VPS45: variants seen among roughly 807,000 people sequenced by gnomAD.
VPS45 encodes the protein vacuolar protein sorting-associated protein 45.
A neutral mutation model predicts 75.9 loss-of-function variants in VPS45; 35 were observed. The ratio of observed to expected loss-of-function variants is 0.46; its 90% CI spans 0.35 to 0.61. The LOEUF is 0.61. Ranked by LOEUF, VPS45 falls within the 20% of genes least tolerant of loss-of-function variation. VPS45 has a pLI of 0.00. For synonymous variants in VPS45, 220 were observed against 238.2 expected, an observed-to-expected ratio of 0.92 and a Z score of 0.70; for missense variants, 559 against 685.9, an observed-to-expected ratio of 0.81 and a Z score of 2.07.
At position 150,076,247 on chromosome 1, in the gene VPS45, A is replaced by G. The variant is rs1655377553; in HGVS notation, c.304A>G (p.Ile102Val). 2 of 1,605,626 alleles carry G rather than the reference A, an allele frequency of 1.2e-6. No homozygotes were observed. Among genetic ancestry groups the G allele is most frequent in the African/African-American group, 2.7e-5 (2 of 74,184 alleles). Residue 102 changes from isoleucine (I) to valine (V), a missense_variant, in exon 4 of 15, where the codon ATC becomes GTC. Transcript: ENST00000644510. ...ATGTGTTTCAGATTTCAGTAATGTG[A>G]TCAGCAAGAGTGACGTGAAGTCATT... is the stretch of plus-strand genomic sequence containing the variant. ...TIYFIYFSNV[I>V]SKSDVKSLAE...
chr1:150,133,434 A>C (rs1658927223), intron 14 of VPS45, among the ~76,000 whole-genome samples: 1 of 152,102 alleles, frequency 6.6e-6, no homozygotes, highest in African/African-American at 2.4e-5. Flanking sequence ...GGCGCCTGTA[A>C]TCCCAGCTGT....
chr1:150,067,691 C>T (rs970262931), upstream of VPS45: 14 of 662,966 alleles, frequency 2.1e-5, no homozygotes, highest in South Asian at 3.6e-5. Context: ...GCTTGGTCCC[C>T]TGTACACTCC....
chr1:150,101,532 G>A (rs1258838170), intron 13 of VPS45, among the ~76,000 whole-genome samples: 5 of 151,682 alleles, frequency 3.3e-5, no homozygotes, highest in Middle Eastern at 3.4e-3. Flanking sequence ...TCAGGAGTTC[G>A]AGACCAGCCT....
At chr1:150,138,616 A>G (rs1553814476) in intron 14 of VPS45, among the ~76,000 whole-genome samples, 1 of 151,942 alleles carries the variant, frequency 6.6e-6, no homozygotes, top group Non-Finnish European at 1.5e-5. Flanking sequence ...AACCAGCAGC[A>G]CTCCACCAGT....
chr1:150,142,905 A>T, intron 14 of VPS45: 3 of 449,728 alleles, frequency 6.7e-6, no homozygotes, highest in South Asian at 4.7e-5. Context: ...CACCCGCCTC[A>T]GCCTCCCAAA....
intron 14 of VPS45, among the ~76,000 whole-genome samples, chr1:150,120,180 A>G (rs587666203): frequency 1.3e-5 from 2 of 152,300 alleles, no homozygotes; most frequent in South Asian, 4.1e-4. Flanking sequence ...ACCACTTACT[A>G]GTTTTTTTAT....
At chr1:150,090,634 C>T (rs587604298) in intron 10 of VPS45, among the ~76,000 whole-genome samples, 1 of 152,166 alleles carries the variant, frequency 6.6e-6, no homozygotes, top group Non-Finnish European at 1.5e-5. Context: ...TCTCCACCGG[C>T]ATTTGCACCT....
chr1:150,121,525 C>G (rs1187241869), intron 14 of VPS45, among the ~76,000 whole-genome samples: 1 of 152,138 alleles, frequency 6.6e-6, no homozygotes, highest in African/African-American at 2.4e-5. Context: ...CTCTTACTAC[C>G]TTATTTCCTC....
At chr1:150,110,459 T>A in intron 13 of VPS45, 37 bp from the exon 14 acceptor site, 3 of 1,567,318 alleles carry the variant, frequency 1.9e-6, no homozygotes, top group Non-Finnish European at 2.6e-6. Context: ...TTTTTTTTTC[T>A]TATCCTGTGA....
intron 13 of VPS45, chr1:150,109,820 C>T (rs1213900466): frequency 6.6e-6 from 1 of 152,080 alleles, no homozygotes; most frequent in Non-Finnish European, 1.5e-5. Context: ...GAGCTGTGTT[C>T]GCATGTCCAG....
intron 4 of VPS45, 194 bp from the exon 5 acceptor site, chr1:150,076,722 T>A (rs901288941): frequency 1.6e-6 from 1 of 615,618 alleles, no homozygotes; most frequent in Non-Finnish European, 2.8e-6. Flanking sequence ...TTATTATTAT[T>A]GCTACTGTTT....
intron 14 of VPS45, among the ~76,000 whole-genome samples, chr1:150,131,940 C>T (rs1380078773): frequency 6.6e-6 from 1 of 151,992 alleles, no homozygotes; most frequent in Non-Finnish European, 1.5e-5. Flanking sequence ...AAGGAAGAAA[C>T]AGATTAATAG....
intron 13 of VPS45, among the ~76,000 whole-genome samples, chr1:150,108,530 C>A (rs1308345505): frequency 1.3e-5 from 2 of 152,126 alleles, no homozygotes; most frequent in African/African-American, 4.8e-5. Flanking sequence ...AATGTCTGGG[C>A]TCTGAGTATT....
chr1:150,099,995 A>G (rs1384451794), intron 13 of VPS45, among the ~76,000 whole-genome samples: 2 of 152,216 alleles, frequency 1.3e-5, no homozygotes, highest in South Asian at 2.1e-4. Context: ...AGCCAGAGCA[A>G]TCAGGCAAGA....
intron 13 of VPS45, chr1:150,109,765 A>G (rs1553806836): frequency 2.0e-5 from 3 of 152,220 alleles, no homozygotes; most frequent in African/African-American, 7.2e-5. Context: ...TGAAACAGGA[A>G]ACAGAGTAAA....
chr1:150,076,766 G>A (rs1283631904), intron 4 of VPS45, 150 bp from the exon 5 acceptor site: 4 of 730,086 alleles, frequency 5.5e-6, no homozygotes, highest in Non-Finnish European at 9.1e-6. Context: ...GTTGACTGTT[G>A]TTACCCAATT....
At chr1:150,084,414 A>G (rs1655895153) in intron 10 of VPS45, among the ~76,000 whole-genome samples, 1 of 152,222 alleles carries the variant, frequency 6.6e-6, no homozygotes, top group Admixed American at 6.5e-5. Context: ...AAAAATGTAC[A>G]GCAAGGGGCT....
At chr1:150,071,995 T>C (rs1299622723) in intron 2 of VPS45, among the ~76,000 whole-genome samples, 171 bp from the exon 3 acceptor site, 1 of 147,936 alleles carries the variant, frequency 6.8e-6, no homozygotes, top group Non-Finnish European at 1.5e-5. Context: ...GATCATTGTA[T>C]TTAATTTATC....
At chr1:150,095,972 A>G (rs72694908) in intron 13 of VPS45, among the ~76,000 whole-genome samples, 1 of 152,162 alleles carries the variant, frequency 6.6e-6, no homozygotes, top group East Asian at 1.9e-4. Flanking sequence ...GAGGAGATGA[A>G]TGCAGTAGTC....
Sources: gnomAD v4.1 joint callset for allele counts (sites outside exome capture counted in the v4.1 genomes callset) on GRCh38, gnomAD v4.1.1 for gene constraint, MANE v1.5 for transcripts, NCBI Gene and HGNC (gene_info 2026-07-23, HGNC 2026-07-21) for gene names.